The following VXN variants were observed in gnomAD, a reference collection of about 807,000 sequenced individuals.
VXN encodes uncharacterized protein C8orf46.
Under a neutral mutation model 23.1 loss-of-function variants are expected in VXN, and 7 were observed. The observed-to-expected ratio is 0.30, with a 90% CI of 0.17 to 0.57. VXN has a LOEUF of 0.57. Ranked by LOEUF, VXN falls within the 20% of genes least tolerant of loss-of-function variation. VXN has a pLI of 0.91. For missense variants in VXN, 238 were observed against 272.6 expected (o/e 0.87, Z 0.89); for synonymous variants, 120 against 105.8 (o/e 1.13, Z -0.83).
At position 66,516,429 on chromosome 8, in the gene VXN, A is replaced by C. The variant is rs572737763; in HGVS notation, c.*353A>C. The C allele has an allele frequency of 3.0e-4, 49 of 164,404 alleles. No individual in the cohort carries two copies. Among genetic ancestry groups the C allele is most frequent in the African/African-American group, 1.0e-3 (42 of 42,014 alleles). The allele number at this position is 164,404 out of a possible 1,614,324, so 10.2% of individuals were successfully genotyped here. A position where few individuals can be genotyped will look rare whatever the true frequency, so the allele number is the denominator to read the frequency against. On this transcript the variant is annotated 3_prime_UTR_variant, in exon 6 of 6. Coordinates refer to ENST00000305454, the MANE Select transcript of VXN (RefSeq NM_152765.4). ...CTCTGTCTTCCTTGTGAGTTGCTCTAAAGTGTGTGATTTTCTAGTGTAAAT... is the reference window on the plus strand; with the variant it reads ...CTCTGTCTTCCTTGTGAGTTGCTCTCAAGTGTGTGATTTTCTAGTGTAAAT...
intron 5 of VXN, among the ~76,000 whole-genome samples, chr8:66,514,910 G>T (rs1005176508): frequency 1.3e-5 from 2 of 152,232 alleles, no homozygotes; most frequent in African/African-American, 4.8e-5. Context: ...TGGGAGGTCA[G>T]AGCAAGAACA....
In VXN at chr8:66,493,566, A is replaced by G. The variant is rs12545784; in HGVS notation, c.-83A>G. 3,551 of 1,134,568 alleles carry G rather than the reference A, an allele frequency of 3.1e-3. 5 individuals carry two copies. The highest frequency in any genetic ancestry group is 3.7e-3 in the Non-Finnish European group (2,805 of 755,222). The allele number at this position is 1,134,568 out of a possible 1,614,324, so 70.3% of individuals were successfully genotyped here. A position where few individuals can be genotyped will look rare whatever the true frequency, so the allele number is the denominator to read the frequency against. On this transcript the variant is annotated 5_prime_UTR_variant, in exon 1 of 6. Transcript: ENST00000305454. Reference sequence around the variant, plus strand: ...GGACCCGCACAATGATCCCTGAGCCAGACTGGATTAGGATGCCTCGCGACT... The same window carrying G: ...GGACCCGCACAATGATCCCTGAGCCGGACTGGATTAGGATGCCTCGCGACT...
chr8:66,500,456 A>G (rs11782087), intron 2 of VXN, among the ~76,000 whole-genome samples: 23,194 of 152,174 alleles, frequency 0.15, 1,982 homozygotes, highest in African/African-American at 0.2. Context: ...TCATAGATGT[A>G]TTGATCATTT....
intron 4 of VXN, 55 bp from the exon 5 acceptor site, chr8:66,513,485 G>C: frequency 6.9e-7 from 1 of 1,448,168 alleles, no homozygotes. Flanking sequence ...CTCAGTCAGG[G>C]CCAGAGTGGG....
chr8:66,497,812 A>C (rs1326565869), intron 2 of VXN, among the ~76,000 whole-genome samples: 1 of 152,200 alleles, frequency 6.6e-6, no homozygotes, highest in Non-Finnish European at 1.5e-5. Flanking sequence ...GGTTAGCTAG[A>C]GCCCAAGAAT....
At chr8:66,503,048 A>G (rs1807708758) in intron 2 of VXN, among the ~76,000 whole-genome samples, 1 of 152,018 alleles carries the variant, frequency 6.6e-6, no homozygotes, top group African/African-American at 2.4e-5. Flanking sequence ...GGGTTTTGCC[A>G]TGTTGCCCAG....
chr8:66,511,584 C>T (rs1188769012), intron 4 of VXN, among the ~76,000 whole-genome samples: 1 of 152,210 alleles, frequency 6.6e-6, no homozygotes, highest in African/African-American at 2.4e-5. Context: ...GCTGCCCTCA[C>T]CTGAGCCAGA....
At chr8:66,497,995 C>T (rs1428208178) in intron 2 of VXN, among the ~76,000 whole-genome samples, 2 of 152,040 alleles carry the variant, frequency 1.3e-5, no homozygotes, top group Admixed American at 1.3e-4. Flanking sequence ...TGGAGAAACC[C>T]CATCTCTACT....
chr8:66,496,763 G>A (rs1042925873), intron 2 of VXN, among the ~76,000 whole-genome samples: 2 of 151,698 alleles, frequency 1.3e-5, no homozygotes, highest in African/African-American at 4.8e-5. Context: ...TTTTTTTCTT[G>A]TTTAAACAGA....
chr8:66,496,636 T>C, intron 2 of VXN, 144 bp downstream of exon 2: 1 of 704,336 alleles, frequency 1.4e-6, no homozygotes, highest in Non-Finnish European at 2.4e-6. Context: ...CTCTCCGTTC[T>C]CCACTTAACC....
chr8:66,505,032 C>A (rs1391407424), intron 2 of VXN, among the ~76,000 whole-genome samples: 1 of 152,232 alleles, frequency 6.6e-6, no homozygotes, highest in African/African-American at 2.4e-5. Context: ...GTTGTCAAAA[C>A]ACGTCAGGCG....
intron 2 of VXN, among the ~76,000 whole-genome samples, chr8:66,505,010 A>G (rs1014208061): frequency 6.6e-6 from 1 of 152,222 alleles, no homozygotes; most frequent in African/African-American, 2.4e-5. Context: ...GTCCTGTTTC[A>G]TTGCCTGTCC....
chr8:66,497,900 G>T (rs1807644121), intron 2 of VXN, among the ~76,000 whole-genome samples: 6 of 151,840 alleles, frequency 4.0e-5, no homozygotes, highest in Admixed American at 1.3e-4. Flanking sequence ...AGGCGCAGTG[G>T]CTCACGCCTG....
At chr8:66,510,397 C>A in intron 4 of VXN, 2 of 459,352 alleles carry the variant, frequency 4.4e-6, no homozygotes, top group Non-Finnish European at 7.7e-6. Context: ...CTTAGGCAAA[C>A]AAAAGAAGCT....
intron 3 of VXN, among the ~76,000 whole-genome samples, chr8:66,508,653 G>C (rs1313858022): frequency 1.3e-5 from 2 of 152,170 alleles, no homozygotes; most frequent in African/African-American, 2.4e-5. Context: ...AGCCGGGGTA[G>C]AGGGTTACTC....
intron 2 of VXN, among the ~76,000 whole-genome samples, chr8:66,502,644 G>A (rs191488538): frequency 2.6e-5 from 4 of 152,222 alleles, no homozygotes; most frequent in Non-Finnish European, 5.9e-5. Context: ...CTACTTGAGA[G>A]GCTGAGGCAG....
intron 2 of VXN, among the ~76,000 whole-genome samples, chr8:66,498,589 A>G (rs1316268054): frequency 6.6e-6 from 1 of 152,136 alleles, no homozygotes; most frequent in Non-Finnish European, 1.5e-5. Flanking sequence ...CTGTATCACT[A>G]TATCCTTTAA....
At chr8:66,499,301 C>T (rs553896144) in intron 2 of VXN, among the ~76,000 whole-genome samples, 8 of 144,564 alleles carry the variant, frequency 5.5e-5, no homozygotes, top group African/African-American at 1.3e-4. Context: ...GGCGTGGTCT[C>T]GGCTCACCAC....
At chr8:66,514,034 T>C (rs1465171747) in intron 5 of VXN, 1 of 179,036 alleles carries the variant, frequency 5.6e-6, no homozygotes, top group Non-Finnish European at 1.1e-5. Flanking sequence ...GTGTGTCAAG[T>C]ACAAAGGTTT....
Sources: gnomAD v4.1 joint callset for allele counts (sites outside exome capture counted in the v4.1 genomes callset) on GRCh38, gnomAD v4.1.1 for gene constraint, MANE v1.5 for transcripts, NCBI Gene and HGNC (gene_info 2026-07-23, HGNC 2026-07-21) for gene names.